PTPN14: variants seen among roughly 807,000 people sequenced by gnomAD.
PTPN14 encodes the protein protein tyrosine phosphatase non-receptor type 14.
A neutral mutation model predicts 126.8 loss-of-function variants in PTPN14; 53 were observed. The ratio of observed to expected loss-of-function variants is 0.42; its 90% CI spans 0.34 to 0.53. The LOEUF is 0.53. Among genes scored for constraint, PTPN14 ranks in the 20% least tolerant of loss-of-function variants. The pLI is 0.08. For missense variants in PTPN14, 1,257 were observed against 1,552.9 expected, an observed-to-expected ratio of 0.81 and a Z score of 3.20; for synonymous variants, 630 against 599.3, an observed-to-expected ratio of 1.05 and a Z score of -0.75.
chr1:214,465,242 G>C (rs1273088813), intron 1 of PTPN14, among the ~76,000 whole-genome samples: 1 of 152,198 alleles, frequency 6.6e-6, no homozygotes, highest in Non-Finnish European at 1.5e-5. Context: ...AAATGGCAAT[G>C]CCAGAATTTA....
rs539450855 is a variant in PTPN14, at chr1:214,476,379, G to A, written c.-154-11422C>T. On this transcript the variant is annotated intron_variant, in intron 1 of 18. Coordinates refer to ENST00000366956, the MANE Select transcript of PTPN14 (RefSeq NM_005401.5). ...CCTTGAGCTTGCTTCGCTCTTTTCC[G>A]GAGAGGTGCGCCCTGCAGGGACAGA... Among the ~76,000 whole-genome samples the A allele has an allele frequency of 7.9e-5, 12 of 152,308 alleles. No individual in the cohort carries two copies. In the South Asian group the frequency reaches 1.2e-3, roughly 16 times the overall value.
chr1:214,523,212 A>G (rs1571644530), intron 1 of PTPN14, among the ~76,000 whole-genome samples: 1 of 152,150 alleles, frequency 6.6e-6, no homozygotes, highest in East Asian at 1.9e-4. Flanking sequence ...AGTCTCTCGC[A>G]GAAACACATC....
chr1:214,533,317 C>A, intron 1 of PTPN14: 2 of 554,502 alleles, frequency 3.6e-6, no homozygotes, highest in South Asian at 3.3e-5. Context: ...CACCACCTAC[C>A]GCTGCCTGCT....
intron 1 of PTPN14, among the ~76,000 whole-genome samples, chr1:214,520,067 T>TATAA (rs1655215712): frequency 1.2e-5 from 1 of 80,484 alleles, no homozygotes; most frequent in African/African-American, 6.5e-5. Flanking sequence ...AAAAAAAAAA[T>TATAA]ATATATATAT....
At chr1:214,429,899 G>A (rs922425697) in intron 3 of PTPN14, among the ~76,000 whole-genome samples, 1 of 152,134 alleles carries the variant, frequency 6.6e-6, no homozygotes, top group African/African-American at 2.4e-5. Context: ...TGAACATACT[G>A]GGAATTCTAG....
rs1209004888 is a variant in PTPN14, at chr1:214,448,238, T to TTC, written c.344+3565_344+3566dup. ...AAACACCAGAGGAGTACTATTCATT[T>TTC]TCTCTTTTTTGAGATGGAATCTCGC... is the stretch of plus-strand genomic sequence containing the variant. On this transcript the variant is annotated intron_variant, in intron 3 of 18. Coordinates refer to ENST00000366956, the MANE Select transcript of PTPN14 (RefSeq NM_005401.5). 2.6e-5 allele frequency among the ~76,000 whole-genome samples: 4 copies of TTC among 152,108 alleles called. No homozygotes were observed. In the East Asian group the frequency reaches 7.7e-4, roughly 29 times the overall value.
intron 18 of PTPN14, among the ~76,000 whole-genome samples, chr1:214,361,302 T>C (rs1205087366): frequency 6.6e-6 from 1 of 152,202 alleles, no homozygotes; most frequent in Admixed American, 6.5e-5. Flanking sequence ...TTATTTTCAA[T>C]GTTGTCACCA....
intron 5 of PTPN14, among the ~76,000 whole-genome samples, chr1:214,408,335 T>C (rs1014590125): frequency 2.0e-5 from 3 of 152,174 alleles, no homozygotes; most frequent in Non-Finnish European, 4.4e-5. Context: ...AGAATGTTGA[T>C]TGGTTAGAGC....
intron 3 of PTPN14, among the ~76,000 whole-genome samples, chr1:214,437,951 TGG>T (rs1659956473): frequency 6.6e-6 from 1 of 152,226 alleles, no homozygotes; most frequent in African/African-American, 2.4e-5. Flanking sequence ...GAGTCAGGAC[TGG>T]GGTACAATAA....
chr1:214,452,536 C>T (rs10494978), intron 2 of PTPN14, among the ~76,000 whole-genome samples: 8,844 of 152,226 alleles, frequency 0.058, 310 homozygotes, highest in South Asian at 0.15. Flanking sequence ...TTATTATACA[C>T]GAACTGCAGC....
chr1:214,412,657 A>G (rs1571983907), intron 4 of PTPN14, among the ~76,000 whole-genome samples: 1 of 152,212 alleles, frequency 6.6e-6, no homozygotes, highest in African/African-American at 2.4e-5. Context: ...TAAAAATGCA[A>G]TAAGCGTTCT....
chr1:214,493,087 G>C (rs1381225609), intron 1 of PTPN14, among the ~76,000 whole-genome samples: 3 of 152,126 alleles, frequency 2.0e-5, no homozygotes, highest in African/African-American at 7.2e-5. Context: ...TAATTCCTAA[G>C]TGGGAAAGCA....
At position 214,372,773 on chromosome 1, in the gene PTPN14, C is replaced by T; in HGVS notation, c.2974G>A (p.Asp992Asn). 1.9e-6 allele frequency: 3 copies of T among 1,614,168 alleles called. No individual in the cohort carries two copies. The highest frequency in any genetic ancestry group is 2.5e-6 in the Non-Finnish European group (3 of 1,180,024). Residue 992 changes from aspartate to asparagine, a missense_variant, in exon 16 of 19, where the codon GAC becomes AAC. This residue lies in a region of PTPN14 where 65 missense variants were observed against 139.7 expected (regional missense o/e 0.47). Coordinates refer to ENST00000366956, the MANE Select transcript of PTPN14 (RefSeq NM_005401.5). ...TGCTCCCACACCATCTGCCAGAAGT[C>T]GTGGCACGTGTGTGGCAGGGGCCCC... ...TQGPLPHTCH[D>N]FWQMVWEQGV...
Position 214,464,714 on chromosome 1 carries a change from G to A in PTPN14, c.90C>T (p.Ser30=). 1 of 1,614,278 alleles carries A rather than the reference G, an allele frequency of 6.2e-7. No individual in the cohort carries two copies. The highest frequency in any genetic ancestry group is 1.7e-5 in the Admixed American group (1 of 60,032). The stretch of plus-strand genomic sequence containing the variant: ...CCGACAGCGTGCACTCGATAACATT[G>A]CTGTCCAGCAGGCGAATCCGTGTGA... ...CFVTRIRLLD[S]NVIECTLSVE... The change falls in exon 2 of 19, where the codon AGC becomes AGT. Residue 30 remains serine (S), a synonymous_variant. Transcript: ENST00000366956.
intron 6 of PTPN14, among the ~76,000 whole-genome samples, chr1:214,402,297 G>C (rs1659037628): frequency 6.6e-6 from 1 of 151,582 alleles, no homozygotes; most frequent in Non-Finnish European, 1.5e-5. Context: ...AATTAGCTGG[G>C]TGTGGTGGTG....
rs578111796 is a variant in PTPN14, at chr1:214,508,723, G to A, written c.-155+42460C>T. ...ATCCATCACAGGAAACACTATCTACGGCAGCTATAGCCTTAAAAAATGTAG... is the reference window on the plus strand; with the variant it reads ...ATCCATCACAGGAAACACTATCTACAGCAGCTATAGCCTTAAAAAATGTAG... On this transcript the variant is annotated intron_variant, in intron 1 of 18. Coordinates refer to ENST00000366956, the MANE Select transcript of PTPN14 (RefSeq NM_005401.5). Among the ~76,000 whole-genome samples, 22 of 152,260 alleles carry A rather than the reference G, an allele frequency of 1.4e-4. 1 individual carries two copies. The South Asian group carries it at 3.7e-3, about 26-fold the overall frequency.
chr1:214,397,769 G>C (rs886263357), intron 8 of PTPN14, 144 bp downstream of exon 8: 1 of 613,222 alleles, frequency 1.6e-6, no homozygotes, highest in Admixed American at 3.1e-5. Flanking sequence ...CTTAAATCCT[G>C]CAGAGGGCTC....
At chr1:214,520,419 A>T (rs896634688) in intron 1 of PTPN14, among the ~76,000 whole-genome samples, 1 of 152,216 alleles carries the variant, frequency 6.6e-6, no homozygotes, top group African/African-American at 2.4e-5. Context: ...TAACAGATAC[A>T]ACACTAAGAA....
chr1:214,388,801 G>A (rs187643527), intron 11 of PTPN14, among the ~76,000 whole-genome samples: 2 of 152,266 alleles, frequency 1.3e-5, no homozygotes, highest in African/African-American at 2.4e-5. Flanking sequence ...AATCCAGCAG[G>A]GGTCACACTT....
Sources: allele counts gnomAD v4.1 joint callset (sites outside exome capture counted in the v4.1 genomes callset), GRCh38; gene constraint gnomAD v4.1.1; regional missense constraint gnomAD v4.1.1; transcripts MANE v1.5; gene names NCBI Gene and HGNC (gene_info 2026-07-23, HGNC 2026-07-21).